Variants in KPNA7 observed in about 807,000 individuals in gnomAD.
KPNA7 encodes the protein importin subunit alpha-8.
In KPNA7, 54 loss-of-function variants were observed where a neutral mutation model predicts 53.7. That is an observed-to-expected ratio of 1.01 (90% confidence interval 0.81 to 1.26). The LOEUF (loss-of-function observed/expected upper bound fraction) is 1.26, where lower values mean the gene tolerates loss of function less well. KPNA7 is among the 50% of genes most tolerant of loss of function. KPNA7 has a pLI of 0.00. For synonymous variants in KPNA7, 276 were observed against 259.3 expected (o/e 1.06, Z -0.62); for missense variants, 640 against 644.5 (o/e 0.99, Z 0.07).
intron 1 of KPNA7, among the ~76,000 whole-genome samples, chr7:99,214,620 C>A (rs1365028438): frequency 1.3e-5 from 1 of 79,234 alleles, no homozygotes; most frequent in Admixed American, 1.5e-4. Context: ...AAAGAGAGAC[C>A]CTGTTTCAAA....
At chr7:99,188,618 A>C in intron 6 of KPNA7, 55 bp from the exon 7 acceptor site, 1 of 1,513,058 alleles carries the variant, frequency 6.6e-7, no homozygotes, top group East Asian at 2.5e-5. Context: ...AAATGCAAAC[A>C]GCAGTGTGTT....
chr7:99,213,381 C>T (rs1334162658), intron 1 of KPNA7, among the ~76,000 whole-genome samples: 1 of 145,842 alleles, frequency 6.9e-6, no homozygotes, highest in Admixed American at 7.2e-5. Context: ...ACCGTCTTGG[C>T]CTCCCAAAGT....
intron 9 of KPNA7, among the ~76,000 whole-genome samples, chr7:99,180,569 ATCTGTCTCTGTCCATCTCTCCG>A (rs1799131668): frequency 8.2e-6 from 1 of 122,276 alleles, no homozygotes; most frequent in Non-Finnish European, 1.8e-5. Flanking sequence ...GTCTCTGTCC[ATCTGTCTCTGTCCATCTCTCCG>A]TCTCTCCGTC....
At chr7:99,201,594 C>T (rs1011032918) in intron 3 of KPNA7, among the ~76,000 whole-genome samples, 13 of 150,294 alleles carry the variant, frequency 8.6e-5, no homozygotes, top group African/African-American at 2.7e-4. Context: ...ACCCAGGAGG[C>T]GGAAGTTGCG....
chr7:99,153,383 C>A, the KPNA7 span, among the ~76,000 whole-genome samples: 21 of 151,890 alleles, frequency 1.4e-4, no homozygotes, highest in South Asian at 8.3e-4. Flanking sequence ...CATGGCGAAA[C>A]CCCATCTCTA....
chr7:99,177,982 G>T lies in KPNA7; in HGVS notation c.1402C>A (p.Leu468Met), dbSNP rs1316145709. ...GGIDRIEALQ[L>M]HENRQIGQSA... ...TGGCCAATTTGACGGTTCTCATGCA[G>T]CTGTAAAGCCTCAATTCTATCGATC... Residue 468 changes from leucine to methionine, a missense_variant, in exon 10 of 11, where the codon CTG (leucine) becomes ATG (methionine). Physicochemically the swap from Leu to Met is conservative, Grantham distance 15. Coordinates refer to ENST00000327442, the MANE Select transcript of KPNA7 (RefSeq NM_001145715.3). 9 of 1,551,786 alleles carry T rather than the reference G, an allele frequency of 5.8e-6. No homozygotes were observed. Among genetic ancestry groups the T allele is most frequent in the Non-Finnish European group, 7.0e-6 (8 of 1,147,052 alleles).
chr7:99,202,872 A>G (rs1262717183), intron 3 of KPNA7, among the ~76,000 whole-genome samples: 1 of 137,076 alleles, frequency 7.3e-6, no homozygotes, highest in Non-Finnish European at 1.6e-5. Context: ...AGTATAATAA[A>G]AATCCTCTCC....
chr7:99,209,682 C>CAAAAAAAAA (rs60377276), upstream of KPNA7, among the ~76,000 whole-genome samples: 14 of 73,530 alleles, frequency 1.9e-4, no homozygotes, highest in Admixed American at 2.3e-4. Context: ...GACTCCAACT[C>CAAAAAAAAA]AAAAAAAAAA....
chr7:99,210,082 C>A (rs1426051935), upstream of KPNA7, among the ~76,000 whole-genome samples: 1 of 152,138 alleles, frequency 6.6e-6, no homozygotes, highest in East Asian at 1.9e-4. Context: ...ACTCTCCTGG[C>A]TACCCAATGA....
chr7:99,193,156 T>A (rs762096903), intron 5 of KPNA7, 55 bp from the exon 6 acceptor site: 1 of 1,133,730 alleles, frequency 8.8e-7, no homozygotes, highest in Non-Finnish European at 1.2e-6. Context: ...AATCCTGAAG[T>A]GGGTGACTAA....
the KPNA7 span, among the ~76,000 whole-genome samples, chr7:99,165,360 G>A: frequency 2.0e-5 from 3 of 151,582 alleles, no homozygotes; most frequent in Non-Finnish European, 4.4e-5. Context: ...CTGCCACCTA[G>A]GGCATCCTGA....
Position 99,198,587 on chromosome 7 carries a change from TAAAA to T in KPNA7, c.202-2425_202-2422del, listed in dbSNP as rs992731607. ...AATGAAATTCAACATACTTCCATAA[TAAAA>T]AAAAACACTCAACAAACTGGAATAA... On this transcript the variant is annotated intron_variant, in intron 3 of 10. Coordinates refer to ENST00000327442, the MANE Select transcript of KPNA7 (RefSeq NM_001145715.3). 3.3e-5 allele frequency among the ~76,000 whole-genome samples: 5 copies of T among 150,502 alleles called. No individual in the cohort carries two copies. The East Asian group carries it at 9.7e-4, about 29-fold the overall frequency.
At chr7:99,156,789 T>G in the KPNA7 span, among the ~76,000 whole-genome samples, 1 of 152,250 alleles carries the variant, frequency 6.6e-6, no homozygotes, top group South Asian at 2.1e-4. Flanking sequence ...CCTCCCACAG[T>G]GCTGGGATTA....
At chr7:99,163,930 A>G in the KPNA7 span, among the ~76,000 whole-genome samples, 2 of 152,096 alleles carry the variant, frequency 1.3e-5, no homozygotes, top group African/African-American at 4.8e-5. Flanking sequence ...AATCAAAACC[A>G]CAATGAGATA....
At chr7:99,184,439 A>C (rs1483638644) in intron 8 of KPNA7, among the ~76,000 whole-genome samples, 1 of 152,186 alleles carries the variant, frequency 6.6e-6, no homozygotes, top group East Asian at 1.9e-4. Flanking sequence ...TCGGAATTAC[A>C]GTCGTGAGCC....
the KPNA7 span, among the ~76,000 whole-genome samples, chr7:99,151,439 TTTTG>T: frequency 3.2e-3 from 469 of 146,552 alleles, no homozygotes; most frequent in African/African-American, 8.8e-3. Flanking sequence ...AAGCAAACTG[TTTTG>T]TTTGTTTGTT....
chr7:99,200,354 C>T (rs1342636994), intron 3 of KPNA7, among the ~76,000 whole-genome samples: 1 of 152,150 alleles, frequency 6.6e-6, no homozygotes, highest in Admixed American at 6.6e-5. Context: ...TTTGTCATCA[C>T]ATTGCTCTTC....
At chr7:99,149,066 T>G in the KPNA7 span, among the ~76,000 whole-genome samples, 2 of 151,862 alleles carry the variant, frequency 1.3e-5, no homozygotes, top group African/African-American at 4.8e-5. Flanking sequence ...CAGCTAAGTT[T>G]TGTATTTTTA....
the KPNA7 span, among the ~76,000 whole-genome samples, chr7:99,163,074 G>T: frequency 6.6e-6 from 1 of 151,676 alleles, no homozygotes; most frequent in African/African-American, 2.4e-5. Context: ...CCAGCTACTC[G>T]GGAAGCTGAG....
Sources: allele counts gnomAD v4.1 joint callset (sites outside exome capture counted in the v4.1 genomes callset), GRCh38; gene constraint gnomAD v4.1.1; transcripts MANE v1.5; gene names NCBI Gene and HGNC (gene_info 2026-07-23, HGNC 2026-07-21).